Variants in WDPCP observed in about 807,000 individuals in gnomAD.
WDPCP encodes the protein WD repeat-containing and planar cell polarity effector protein fritz homolog.
Under a neutral mutation model 93.1 loss-of-function variants are expected in WDPCP, and 71 were observed. That is an observed-to-expected ratio of 0.76 (90% CI 0.63 to 0.93). The LOEUF is 0.93. Among genes scored for constraint, WDPCP ranks in the 40% least tolerant of loss-of-function variants. The pLI, the probability that WDPCP is intolerant of heterozygous loss-of-function variation, is 0.00. For synonymous variants in WDPCP, 315 were observed against 315.0 expected, an observed-to-expected ratio of 1.00 and a Z score of 0.00; for missense variants, 844 against 887.4, an observed-to-expected ratio of 0.95 and a Z score of 0.62.
At chr2:63,454,278 T>G in intron 6 of WDPCP, among the ~76,000 whole-genome samples, 1 of 151,810 alleles carries the variant, frequency 6.6e-6, no homozygotes, top group Non-Finnish European at 1.5e-5. Context: ...CACCGCATGT[T>G]CTCACTCATA....
At chr2:63,585,225 C>A (rs1188133722) in intron 1 of WDPCP, among the ~76,000 whole-genome samples, 2 of 152,050 alleles carry the variant, frequency 1.3e-5, no homozygotes, top group Admixed American at 1.3e-4. Context: ...TTTGGAATTA[C>A]TACGTTTAAG....
chr2:63,458,190 A>T (rs995375023), intron 6 of WDPCP, among the ~76,000 whole-genome samples: 48 of 151,504 alleles, frequency 3.2e-4, no homozygotes. Flanking sequence ...TTCCTAATCG[A>T]CATAGTACTA....
chr2:63,381,227 GATTT>G (rs1692276168), intron 11 of WDPCP, among the ~76,000 whole-genome samples: 3 of 152,014 alleles, frequency 2.0e-5, no homozygotes, highest in South Asian at 2.1e-4. Flanking sequence ...CAAATATAAA[GATTT>G]ATTTCATTAT....
chr2:63,327,293 T>C (rs897112328), intron 12 of WDPCP, among the ~76,000 whole-genome samples: 4 of 152,318 alleles, frequency 2.6e-5, no homozygotes, highest in Non-Finnish European at 5.9e-5. Flanking sequence ...GAAGGAGCCA[T>C]CTATACCAAT....
intron 2 of WDPCP, among the ~76,000 whole-genome samples, chr2:63,808,513 C>T (rs574376260): frequency 1.7e-4 from 26 of 152,320 alleles, no homozygotes; most frequent in South Asian, 4.1e-4. Context: ...GACTGGTTTT[C>T]GTGTTTTTTT....
rs552143479 is a variant in WDPCP at position 63,644,875 on chromosome 2, T to G, written n.488+5784A>C. Among the ~76,000 whole-genome samples the G allele has an allele frequency of 2.6e-5, 4 of 152,324 alleles. 1 individual carries two copies. Among genetic ancestry groups the G allele is most frequent in the African/African-American group, 9.6e-5 (4 of 41,588 alleles). On this transcript the variant is annotated intron_variant and non_coding_transcript_variant, in intron 3 of 4. Coordinates refer to the WDPCP transcript ENST00000467687. Reference sequence around the variant, plus strand: ...AATGTGTCCTTTTTCATCTCTGTTTTGATTATTTGGATCTCCTCTCTTTTT... The same window carrying G: ...AATGTGTCCTTTTTCATCTCTGTTTGGATTATTTGGATCTCCTCTCTTTTT...
chr2:63,738,389 C>CTTTTTTTTTTTTTTTTTTTTTTT (rs1425246383), intron 2 of WDPCP, among the ~76,000 whole-genome samples: 1 of 151,920 alleles, frequency 6.6e-6, no homozygotes, highest in South Asian at 2.1e-4. Context: ...ATCAGGGCTA[C>CTTTTTTTTTTTTTTTTTTTTTTT]TATTGACATT....
At chr2:63,329,662 A>C (rs1357021612) in intron 12 of WDPCP, among the ~76,000 whole-genome samples, 3 of 152,170 alleles carry the variant, frequency 2.0e-5, no homozygotes, top group African/African-American at 7.2e-5. Flanking sequence ...TTCATTTAAA[A>C]AAATTTTAAA....
At chr2:63,202,574 T>C (rs1559198661) in intron 14 of WDPCP, among the ~76,000 whole-genome samples, 1 of 152,184 alleles carries the variant, frequency 6.6e-6, no homozygotes. Flanking sequence ...TTTCCTTTTA[T>C]AGTGCAGTTC....
At chr2:63,722,737 G>GA (rs1669443670) in intron 2 of WDPCP, among the ~76,000 whole-genome samples, 1 of 151,586 alleles carries the variant, frequency 6.6e-6, no homozygotes, top group Non-Finnish European at 1.5e-5. Context: ...CCCCTACTGG[G>GA]AAGTGAGGAC....
At chr2:63,142,670 G>T (rs186937294) in intron 17 of WDPCP, among the ~76,000 whole-genome samples, 2 of 152,214 alleles carry the variant, frequency 1.3e-5, no homozygotes, top group East Asian at 3.9e-4. Context: ...TAAATCCATT[G>T]TTTCTTTGTT....
chr2:63,425,798 A>G (rs1379406691), intron 9 of WDPCP, among the ~76,000 whole-genome samples: 3 of 152,120 alleles, frequency 2.0e-5, no homozygotes, highest in Non-Finnish European at 2.9e-5. Context: ...CTTGGAAAAC[A>G]TATTTGAGAA....
chr2:63,830,970 C>G (rs568416029), upstream of WDPCP, among the ~76,000 whole-genome samples: 112 of 152,234 alleles, frequency 7.4e-4, 1 homozygote, highest in South Asian at 9.1e-3. Context: ...TCTGTCTTGT[C>G]TGTCTCCTAC....
At chr2:63,286,587 G>A (rs1684020900) in intron 13 of WDPCP, among the ~76,000 whole-genome samples, 2 of 152,106 alleles carry the variant, frequency 1.3e-5, no homozygotes, top group African/African-American at 2.4e-5. Context: ...GACTCAGCCC[G>A]CCTGCACCCA....
chr2:63,525,855 G>A (rs1703301121), intron 1 of WDPCP, among the ~76,000 whole-genome samples: 1 of 152,156 alleles, frequency 6.6e-6, no homozygotes, highest in South Asian at 2.1e-4. Flanking sequence ...ATTTCCTCCT[G>A]GGCAAGGCTG....
intron 6 of WDPCP, chr2:63,440,134 T>C: frequency 2.6e-6 from 1 of 385,664 alleles, no homozygotes. Context: ...ATTAGAAATC[T>C]AATCTTCTAA....
intron 12 of WDPCP, among the ~76,000 whole-genome samples, chr2:63,368,421 G>A (rs1691111398): frequency 6.6e-6 from 1 of 151,880 alleles, no homozygotes; most frequent in South Asian, 2.1e-4. Context: ...CACCTCCCAG[G>A]TTCAAGTGAT....
intron 14 of WDPCP, among the ~76,000 whole-genome samples, chr2:63,189,348 C>A (rs866519309): frequency 1.3e-5 from 2 of 152,180 alleles, no homozygotes; most frequent in South Asian, 4.1e-4. Context: ...AAGCAAAATG[C>A]AATGAACTCT....
At chr2:63,803,382 T>C (rs1001003501) in intron 2 of WDPCP, among the ~76,000 whole-genome samples, 6 of 152,184 alleles carry the variant, frequency 3.9e-5, no homozygotes, top group Admixed American at 2.0e-4. Context: ...TATTTCTTTT[T>C]GGGAGAATTT....
Sources: gnomAD v4.1 joint callset for allele counts (sites outside exome capture counted in the v4.1 genomes callset) on GRCh38, gnomAD v4.1.1 for gene constraint, MANE v1.5 for transcripts, NCBI Gene and HGNC (gene_info 2026-07-23, HGNC 2026-07-21) for gene names.